DHX37: variants seen among roughly 807,000 people sequenced by gnomAD.
DHX37 encodes the protein DEAH-box helicase 37.
In DHX37, 52 loss-of-function variants were observed where a neutral mutation model predicts 134.3. That is an observed-to-expected ratio of 0.39 (90% confidence interval 0.31 to 0.49). DHX37 has a LOEUF of 0.49. DHX37 is among the 20% of genes least tolerant of loss of function. The probability of loss-of-function intolerance (pLI) is 0.93; values close to 1 mark genes in which losing one functional copy is unlikely to be tolerated. For missense variants in DHX37, 1,344 were observed against 1,580.8 expected (o/e 0.85, Z 2.54); for synonymous variants, 634 against 670.7 (o/e 0.95, Z 0.85).
chr12:124,975,906 C>T lies in DHX37; in HGVS notation c.888-395G>A, dbSNP rs753150528. Among the ~76,000 whole-genome samples, 16 of 152,230 alleles carry T rather than the reference C, an allele frequency of 1.1e-4. 1 individual carries two copies. The highest frequency in any genetic ancestry group is 7.9e-4 in the Admixed American group (12 of 15,280). The stretch of plus-strand genomic sequence containing the variant: ...CTGCTCTCCCTCGAAAGGCTGCTGA[C>T]GGGGCTGGCCCTCGCTGGGTGCCTG... On this transcript the variant is annotated intron_variant, in intron 5 of 26. Transcript: ENST00000308736.
At position 124,981,521 on chromosome 12, in the gene DHX37, A is replaced by ACCTCCCAGGCTCAGGTGAT. The variant is rs1489190260; in HGVS notation, c.390-702_390-684dup. Among the ~76,000 whole-genome samples, 27 of 151,886 alleles carry ACCTCCCAGGCTCAGGTGAT rather than the reference A, an allele frequency of 1.8e-4. 1 individual carries two copies. Among genetic ancestry groups the ACCTCCCAGGCTCAGGTGAT allele is most frequent in the African/African-American group, 6.5e-4 (27 of 41,442 alleles). On this transcript the variant is annotated intron_variant, in intron 3 of 26. Transcript: ENST00000308736. Reference sequence around the variant, plus strand: ...GCAATCACGGCTCACTGTAGCTTCAACCTCCCAGGCTCAGGTGATCCTCCC... The same window carrying ACCTCCCAGGCTCAGGTGAT: ...GCAATCACGGCTCACTGTAGCTTCAACCTCCCAGGCTCAGGTGATCCTCCCAGGCTCAGGTGATCCTCCC...
At chr12:124,948,535 C>T in intron 25 of DHX37, 1 of 310,226 alleles carries the variant, frequency 3.2e-6, no homozygotes, top group Non-Finnish European at 6.1e-6. Context: ...TCACCTGAGG[C>T]CAGGAGTTCG....
At position 124,949,837 on chromosome 12, in the gene DHX37, C is replaced by T. The variant is rs574447578; in HGVS notation, c.3290+149G>A. The T allele has an allele frequency of 4.1e-4, 364 of 882,690 alleles. No individual in the cohort carries two copies. Among genetic ancestry groups the T allele is most frequent in the Non-Finnish European group, 6.1e-4 (353 of 582,574 alleles). The allele number at this position is 882,690 out of a possible 1,614,324, so 54.7% of individuals were successfully genotyped here. The stretch of plus-strand genomic sequence containing the variant: ...CCTCCCCGAGAGCCGCTGCACAGAC[C>T]GTGGCTCTGCAGAGCCTTCAGACCT... On this transcript the variant is annotated intron_variant, in intron 25 of 26. Coordinates refer to ENST00000308736, the MANE Select transcript of DHX37 (RefSeq NM_032656.4). The surrounding 1 kb of genome is among the most constrained non-coding windows in gnomAD (Gnocchi z 4.0).
At chr12:124,952,370 C>T in intron 21 of DHX37, 28 bp downstream of exon 21, 1 of 1,584,622 alleles carries the variant, frequency 6.3e-7, no homozygotes, top group African/African-American at 1.3e-5. Context: ...CCCAAGCTAC[C>T]CGGGCAGGGA....
rs1358059862 is a variant in DHX37 at position 124,968,575 on chromosome 12, C to T, written c.1367G>A (p.Cys456Tyr). Residue 456 changes from cysteine (C) to tyrosine (Y), a missense_variant, in exon 10 of 27, where the codon TGC (cysteine) becomes TAC (tyrosine). By Grantham distance (194) the Cys-to-Tyr change is radical. This residue lies in a region of DHX37 where 289 missense variants were observed against 323.8 expected (regional missense o/e 0.89). Coordinates refer to ENST00000308736, the MANE Select transcript of DHX37 (RefSeq NM_032656.4). ...GTGGATCTTGCAGACCTTCCGGAAG[C>T]ACTCGCCACTGTAGTCTTCCAGCGG... ...RTPLEDYSGECFRKVCKIHRM... is the reference protein window; with the variant it reads ...RTPLEDYSGEYFRKVCKIHRM... 4 of 1,613,910 alleles carry T rather than the reference C, an allele frequency of 2.5e-6. No homozygotes were observed. Among genetic ancestry groups the T allele is most frequent in the Non-Finnish European group, 3.4e-6 (4 of 1,180,058 alleles).
At chr12:124,958,229 C>T (rs1954142912) in intron 16 of DHX37, among the ~76,000 whole-genome samples, 1 of 152,236 alleles carries the variant, frequency 6.6e-6, no homozygotes, top group African/African-American at 2.4e-5. Context: ...GGTGCCTGAA[C>T]TCTATCTCAA....
rs772025106 is a variant in DHX37 at position 124,980,771 on chromosome 12, G to A, written c.457C>T (p.Arg153Cys). 21 of 1,556,636 alleles carry A rather than the reference G, an allele frequency of 1.3e-5. No homozygotes were observed. The highest frequency in any genetic ancestry group is 7.2e-5 in the East Asian group (3 of 41,726). The stretch of plus-strand genomic sequence containing the variant: ...TCCTCAGCTGAGGGCCAGCGGCGAC[G>A]CTTCCGGTGGGCACCGCTGAGGCTA... ...ISSLSGAHRK[R>C]RRWPSAEEEE... Residue 153 changes from arginine to cysteine, a missense_variant, in exon 4 of 27, where the codon CGT becomes TGT. Arg to Cys is a radical substitution (Grantham distance 180). This residue lies in a region of DHX37 where 319 missense variants were observed against 296.1 expected (regional missense o/e 1.08). Coordinates refer to ENST00000308736, the MANE Select transcript of DHX37 (RefSeq NM_032656.4). The surrounding 1 kb of genome is among the most constrained non-coding windows in gnomAD (Gnocchi z 5.3).
chr12:124,980,971 A>T lies in DHX37; in HGVS notation c.390-133T>A. On this transcript the variant is annotated intron_variant, in intron 3 of 26. Coordinates refer to ENST00000308736, the MANE Select transcript of DHX37 (RefSeq NM_032656.4). This position sits in a 1 kb window ranked among gnomAD's most constrained non-coding sequence, Gnocchi z 5.3. Reference sequence around the variant, plus strand: ...CCACTCCCTGAAATGCCCTTCCTGCAGATACCTCCTCTCACTCCACTTAAG... The same window carrying T: ...CCACTCCCTGAAATGCCCTTCCTGCTGATACCTCCTCTCACTCCACTTAAG... 1 of 961,310 alleles carries T rather than the reference A, an allele frequency of 1.0e-6. No individual in the cohort carries two copies. Among genetic ancestry groups the T allele is most frequent in the Non-Finnish European group, 1.5e-6 (1 of 662,320 alleles). 59.5% of individuals were successfully genotyped at this position (961,310 alleles called of 1,614,324 possible). A position where few individuals can be genotyped will look rare whatever the true frequency, so the allele number is the denominator to read the frequency against.
rs71092252 is a variant in DHX37 at position 124,973,638 on chromosome 12, C to CTTTTT, written c.981-1044_981-1040dup. On this transcript the variant is annotated intron_variant, in intron 6 of 26. Coordinates refer to ENST00000308736, the MANE Select transcript of DHX37 (RefSeq NM_032656.4). ...TTATGTATATGCGCCCCCCCCAACG[C>CTTTTT]TTTTTTTTTTTTTTTTTTTTGAGAT... Among the ~76,000 whole-genome samples, 51 of 102,852 alleles carry CTTTTT rather than the reference C, an allele frequency of 5.0e-4. 16 individuals carry two copies. The highest frequency in any genetic ancestry group is 5.3e-4 in the African/African-American group (14 of 26,300). 67.5% of individuals were successfully genotyped at this position (102,852 alleles called of 152,430 possible). A position where few individuals can be genotyped will look rare whatever the true frequency, so the allele number is the denominator to read the frequency against.
At position 124,950,792 on chromosome 12, in the gene DHX37, C is replaced by T. The variant is rs768799595; in HGVS notation, c.2881G>A (p.Asp961Asn). Residue 961 changes from aspartate to asparagine, a missense_variant, in exon 22 of 27, where the codon GAC (aspartate) becomes AAC (asparagine). Physicochemically the swap from Asp to Asn is conservative, Grantham distance 23. Transcript: ENST00000308736. ...CTGGGGTGGATGAAGACAGGGTCGT[C>T]GAGGAGAGGGGTCTGCAGAGAATGG... is the stretch of plus-strand genomic sequence containing the variant. ...WRNAYKTPLLDDPVFIHPSSV... is the reference protein window; with the variant it reads ...WRNAYKTPLLNDPVFIHPSSV... 32 of 1,606,382 alleles carry T rather than the reference C, an allele frequency of 2.0e-5. No individual in the cohort carries two copies. Among genetic ancestry groups the T allele is most frequent in the East Asian group, 6.7e-5 (3 of 44,608 alleles).
chr12:124,968,546 T>C lies in DHX37; in HGVS notation c.1396A>G (p.Met466Val). The stretch of plus-strand genomic sequence containing the variant: ...GCCAGGGCCTCACCTGCGGGCAGCA[T>C]CCGGTGGATCTTGCAGACCTTCCGG... ...CFRKVCKIHR[M>V]LPAGGILVFL... The change falls in exon 10 of 27, where the codon ATG becomes GTG. Residue 466 changes from methionine (M) to valine (V), a missense_variant. Physicochemically the swap from Met to Val is conservative, Grantham distance 21. Coordinates refer to ENST00000308736, the MANE Select transcript of DHX37 (RefSeq NM_032656.4). 6.2e-7 allele frequency: 1 copy of C among 1,613,486 alleles called. No homozygotes were observed. Among genetic ancestry groups the C allele is most frequent in the East Asian group, 2.2e-5 (1 of 44,882 alleles).
chr12:124,988,387 A>G (rs11057954), intron 1 of DHX37, among the ~76,000 whole-genome samples: 52,571 of 151,950 alleles, frequency 0.35, 9,571 homozygotes, highest in African/African-American at 0.45. Context: ...TCTGCTCACT[A>G]TAGCCGCATA....
chr12:124,963,366 G>A (rs577745546), intron 15 of DHX37, among the ~76,000 whole-genome samples: 2 of 152,180 alleles, frequency 1.3e-5, no homozygotes, highest in Non-Finnish European at 1.5e-5. Context: ...GGGGAAGAAG[G>A]GGGGTGACTG....
chr12:124,956,947 G>A (rs567078572), intron 17 of DHX37, 68 bp from the exon 18 acceptor site: 41 of 1,535,940 alleles, frequency 2.7e-5, no homozygotes, highest in African/African-American at 7.0e-5. Context: ...GAGGCCCCAC[G>A]CTTGAGGCAG....
intron 15 of DHX37, among the ~76,000 whole-genome samples, chr12:124,963,387 G>A (rs1338729404): frequency 1.3e-5 from 2 of 152,162 alleles, no homozygotes; most frequent in Admixed American, 6.5e-5. Context: ...CAGTGGTCAC[G>A]GGGTTTCTTT....
chr12:124,988,202 G>A (rs1383456111), intron 1 of DHX37, among the ~76,000 whole-genome samples: 3 of 151,838 alleles, frequency 2.0e-5, no homozygotes, highest in Non-Finnish European at 4.4e-5. Context: ...TAGAGAAAAA[G>A]CCCCAGTCCT....
Position 124,950,682 on chromosome 12 carries a change from C to T in DHX37, c.2983+8G>A, listed in dbSNP as rs1351679145. The T allele has an allele frequency of 6.2e-7, 1 of 1,612,228 alleles. No homozygotes were observed. The highest frequency in any genetic ancestry group is 1.3e-5 in the African/African-American group (1 of 74,872). ...GGGGGACAAGGGGCTGTCCGCAGGC[C>T]TCGGCACCTTTCATGTACATCTTAG... On this transcript the variant is annotated splice_region_variant and intron_variant, in intron 22 of 26. Transcript: ENST00000308736.
rs766592336 is a variant in DHX37, at chr12:124,971,422, G to C, written c.1078-7C>G. The C allele has an allele frequency of 1.2e-6, 2 of 1,612,492 alleles. No individual in the cohort carries two copies. Among genetic ancestry groups the C allele is most frequent in the South Asian group, 2.2e-5 (2 of 90,894 alleles). On this transcript the variant is annotated splice_region_variant and splice_polypyrimidine_tract_variant and intron_variant, in intron 7 of 26. Coordinates refer to ENST00000308736, the MANE Select transcript of DHX37 (RefSeq NM_032656.4). Reference sequence around the variant, plus strand: ...ACCGCAGCAGCAGGAAGTCCTGGGGGGAGGTCCGGGGTGAGGCCCACCCTT... The same window carrying C: ...ACCGCAGCAGCAGGAAGTCCTGGGGCGAGGTCCGGGGTGAGGCCCACCCTT...
intron 4 of DHX37, among the ~76,000 whole-genome samples, chr12:124,979,377 A>C (rs1299330298): frequency 6.6e-6 from 1 of 152,146 alleles, no homozygotes; most frequent in African/African-American, 2.4e-5. Context: ...TCAAACGAAC[A>C]AACAACAAAA....
Sources: allele counts gnomAD v4.1 joint callset (sites outside exome capture counted in the v4.1 genomes callset), GRCh38; gene constraint gnomAD v4.1.1; regional missense constraint gnomAD v4.1.1; non-coding constraint Gnocchi (gnomAD v3.1); transcripts MANE v1.5; gene names NCBI Gene and HGNC (gene_info 2026-07-23, HGNC 2026-07-21).